RARB: variants seen among roughly 807,000 people sequenced by gnomAD.
The protein encoded by RARB is HBV-activated protein.
A neutral mutation model predicts 51.9 loss-of-function variants in RARB; 17 were observed. The observed-to-expected ratio is 0.33, with a 90% confidence interval of 0.22 to 0.49. The LOEUF is 0.49. Among genes scored for constraint, RARB ranks in the 20% least tolerant of loss-of-function variants. The pLI is 0.99. For missense variants in RARB, 369 were observed against 550.8 expected, an observed-to-expected ratio of 0.67 and a Z score of 3.30; for synonymous variants, 215 against 195.4, an observed-to-expected ratio of 1.10 and a Z score of -0.84.
At chr3:25,357,529 G>T (rs751218279) in intron 5 of RARB, among the ~76,000 whole-genome samples, 6 of 152,156 alleles carry the variant, frequency 3.9e-5, no homozygotes, top group Admixed American at 6.5e-5. Flanking sequence ...GATCTCATTT[G>T]TCAATTTTGG....
At chr3:24,874,700 T>C (rs1439716874) in intron 2 of RARB, among the ~76,000 whole-genome samples, 1 of 152,062 alleles carries the variant, frequency 6.6e-6, no homozygotes, top group African/African-American at 2.4e-5. Flanking sequence ...TTCTTTTTTT[T>C]CTGAGTAAAT....
chr3:25,527,676 T>C (rs1387334751), intron 3 of RARB, among the ~76,000 whole-genome samples: 1 of 152,190 alleles, frequency 6.6e-6, no homozygotes, highest in Middle Eastern at 3.2e-3. Context: ...CCTTATGTTT[T>C]AAGGTAAAAA....
Position 25,223,602 on chromosome 3 carries a change from G to A in RARB, c.178+49027G>A, listed in dbSNP as rs139596868. Reference sequence around the variant, plus strand: ...AGCCCAGTACCTGCACTTACTAGGTGCTTAATAAATCATTGTTAAATTAGT... The same window carrying A: ...AGCCCAGTACCTGCACTTACTAGGTACTTAATAAATCATTGTTAAATTAGT... On this transcript the variant is annotated intron_variant, in intron 5 of 11. Transcript: ENST00000383772. 7.4e-3 allele frequency among the ~76,000 whole-genome samples: 1,121 copies of A among 152,258 alleles called. 16 individuals carry two copies. Among genetic ancestry groups the A allele is most frequent in the African/African-American group, 0.026 (1,074 of 41,536 alleles).
chr3:24,912,431 T>C (rs2125380156), intron 2 of RARB, among the ~76,000 whole-genome samples: 1 of 140,154 alleles, frequency 7.1e-6, no homozygotes, highest in South Asian at 2.2e-4. Context: ...TCTCAATAAG[T>C]GGTCATTATT....
At chr3:25,330,283 A>G (rs2125444542) in intron 5 of RARB, among the ~76,000 whole-genome samples, 1 of 152,366 alleles carries the variant, frequency 6.6e-6, no homozygotes, top group Middle Eastern at 3.4e-3. Context: ...GGTTACCCAC[A>G]AAGGGAAGCC....
chr3:24,921,321 A>G (rs750190877), intron 2 of RARB, among the ~76,000 whole-genome samples: 3 of 152,076 alleles, frequency 2.0e-5, no homozygotes, highest in Non-Finnish European at 4.4e-5. Flanking sequence ...AGTGTAACGA[A>G]CTCCTCTGTA....
At chr3:25,397,923 G>T (rs957739363) in intron 5 of RARB, among the ~76,000 whole-genome samples, 5 of 151,740 alleles carry the variant, frequency 3.3e-5, no homozygotes, top group Admixed American at 2.0e-4. Context: ...TTCAAGGGCT[G>T]GTCTATATAT....
At chr3:25,158,897 TAGAG>T (rs1407262420) in intron 4 of RARB, among the ~76,000 whole-genome samples, 2 of 151,908 alleles carry the variant, frequency 1.3e-5, no homozygotes, top group African/African-American at 2.4e-5. Flanking sequence ...CAGTCAGCAA[TAGAG>T]AGAAGAGAGA....
intron 3 of RARB, among the ~76,000 whole-genome samples, chr3:25,544,675 G>A (rs7645308): frequency 6.6e-6 from 1 of 151,512 alleles, no homozygotes; most frequent in Non-Finnish European, 1.5e-5. Context: ...TCATTCCCCC[G>A]CCCCCTCCTC....
intron 2 of RARB, among the ~76,000 whole-genome samples, chr3:24,936,199 G>A (rs1038517116): frequency 4.3e-4 from 65 of 152,210 alleles, no homozygotes; most frequent in African/African-American, 1.5e-3. Context: ...CAAGCGCTTC[G>A]TAGATAGCAT....
Position 25,050,468 on chromosome 3 carries a change from G to A in RARB, c.-379-9657G>A, listed in dbSNP as rs188601694. Among the ~76,000 whole-genome samples, 24 of 151,980 alleles carry A rather than the reference G, an allele frequency of 1.6e-4. No individual in the cohort carries two copies. In the East Asian group the frequency reaches 4.4e-3, roughly 28 times the overall value. ...AATTAACTCTCATCCTTTTACACACGAGTGAAGTGATTTGATTTTCGAGAA... is the reference window on the plus strand; with the variant it reads ...AATTAACTCTCATCCTTTTACACACAAGTGAAGTGATTTGATTTTCGAGAA... On this transcript the variant is annotated intron_variant, in intron 2 of 11. Coordinates refer to the RARB transcript ENST00000383772.
At chr3:24,988,590 A>T (rs1696844476) in intron 2 of RARB, among the ~76,000 whole-genome samples, 1 of 152,146 alleles carries the variant, frequency 6.6e-6, no homozygotes, top group African/African-American at 2.4e-5. Flanking sequence ...AGTATAGATT[A>T]TAAAAAAAAT....
chr3:25,013,418 C>T (rs908943558), intron 2 of RARB, among the ~76,000 whole-genome samples: 1 of 152,046 alleles, frequency 6.6e-6, no homozygotes, highest in African/African-American at 2.4e-5. Flanking sequence ...ACTGTACTGT[C>T]GTCCTGATCT....
chr3:25,449,740 A>C (rs1244279360), intron 1 of RARB, among the ~76,000 whole-genome samples: 3 of 146,904 alleles, frequency 2.0e-5, no homozygotes, highest in African/African-American at 7.6e-5. Flanking sequence ...TAGACTAGCA[A>C]TCTCTTTCTC....
At chr3:25,190,647 T>C (rs923740522) in intron 5 of RARB, among the ~76,000 whole-genome samples, 2 of 152,114 alleles carry the variant, frequency 1.3e-5, no homozygotes, top group African/African-American at 4.8e-5. Flanking sequence ...CCAATCTGTT[T>C]ATGGCAACAG....
chr3:25,013,683 G>T (rs1259377613), intron 2 of RARB, among the ~76,000 whole-genome samples: 1 of 152,084 alleles, frequency 6.6e-6, no homozygotes, highest in Non-Finnish European at 1.5e-5. Flanking sequence ...CCTGAAGATA[G>T]CTTTGTTAAG....
chr3:25,449,625 T>C (rs1177434092), intron 1 of RARB, among the ~76,000 whole-genome samples: 1 of 152,112 alleles, frequency 6.6e-6, no homozygotes, highest in Non-Finnish European at 1.5e-5. Context: ...ACCATTTAAG[T>C]TCAAATCCAT....
In RARB at chr3:25,034,618, A is replaced by G. The variant is rs543073366; in HGVS notation, c.-379-25507A>G. Among the ~76,000 whole-genome samples the G allele has an allele frequency of 8.5e-5, 13 of 152,312 alleles. No homozygotes were observed. The South Asian group carries it at 1.9e-3, about 22-fold the overall frequency. On this transcript the variant is annotated intron_variant, in intron 2 of 11. Coordinates refer to the RARB transcript ENST00000383772. ...ACAAAGCTATTTTAGGTCAATTCCA[A>G]CACAAACATCTGCCATCTTCTATGC...
chr3:25,041,233 C>T (rs1698107935), intron 2 of RARB, among the ~76,000 whole-genome samples: 1 of 152,084 alleles, frequency 6.6e-6, no homozygotes, highest in Non-Finnish European at 1.5e-5. Context: ...TGTCACTTAC[C>T]ACCCTAAATT....
Sources: allele counts gnomAD v4.1 joint callset (sites outside exome capture counted in the v4.1 genomes callset), GRCh38; gene constraint gnomAD v4.1.1; transcripts MANE v1.5; gene names NCBI Gene and HGNC (gene_info 2026-07-23, HGNC 2026-07-21).